RYR3: variants seen among roughly 807,000 people sequenced by gnomAD.
The protein encoded by RYR3 is brain ryanodine receptor-calcium release channel.
Under a neutral mutation model 584.3 loss-of-function variants are expected in RYR3, and 207 were observed. The ratio of observed to expected loss-of-function variants is 0.35; its 90% CI spans 0.32 to 0.40. RYR3 has a LOEUF of 0.40. Ranked by LOEUF, RYR3 falls within the 10% of genes least tolerant of loss-of-function variation. The pLI is 1.00. For synonymous variants in RYR3, 2,416 were observed against 2,248.5 expected, an observed-to-expected ratio of 1.07 and a Z score of -2.11; for missense variants, 5,616 against 6,089.2, an observed-to-expected ratio of 0.92 and a Z score of 2.59.
chr15:33,624,151 C>G (rs2060864412), intron 20 of RYR3, 128 bp downstream of exon 20: 2 of 694,486 alleles, frequency 2.9e-6, no homozygotes, highest in South Asian at 3.6e-5. Context: ...ATGTGAACAA[C>G]TGTTACTCCT....
chr15:33,321,552 T>C (rs1470450046), intron 1 of RYR3, among the ~76,000 whole-genome samples: 1 of 152,194 alleles, frequency 6.6e-6, no homozygotes, highest in African/African-American at 2.4e-5. Flanking sequence ...GCTCCTTAAG[T>C]GACAGGTGTG....
At chr15:33,801,604 T>A (rs2075921937) in intron 68 of RYR3, among the ~76,000 whole-genome samples, 1 of 136,276 alleles carries the variant, frequency 7.3e-6, no homozygotes. Context: ...GGTGTCTTAT[T>A]ACTACCAAGA....
intron 16 of RYR3, 144 bp downstream of exon 16, chr15:33,586,260 C>G (rs188093632): frequency 9.4e-6 from 6 of 640,444 alleles, no homozygotes; most frequent in Non-Finnish European, 1.7e-5. Context: ...AGACTTTCCC[C>G]GCATACAAGC....
In RYR3 at chr15:33,438,237, G is replaced by A. The variant is rs558610635; in HGVS notation, c.52-35182G>A. ...TTAATTATAGTCACCATGATGTACG[G>A]TGGATCCCCAGAACTTATTCCCCTT... On this transcript the variant is annotated intron_variant, in intron 1 of 103. Coordinates refer to ENST00000634891, the MANE Select transcript of RYR3 (RefSeq NM_001036.6). 2.0e-5 allele frequency among the ~76,000 whole-genome samples: 3 copies of A among 152,008 alleles called. No homozygotes were observed. The East Asian group carries it at 5.8e-4, about 29-fold the overall frequency.
chr15:33,522,729 C>A (rs531490245), intron 3 of RYR3, among the ~76,000 whole-genome samples: 1 of 152,210 alleles, frequency 6.6e-6, no homozygotes, highest in South Asian at 2.1e-4. Context: ...GGGTTTCATA[C>A]CAGTTTCAGG....
At chr15:33,506,947 T>C (rs2052537487) in intron 3 of RYR3, among the ~76,000 whole-genome samples, 2 of 152,296 alleles carry the variant, frequency 1.3e-5, no homozygotes, top group South Asian at 2.1e-4. Flanking sequence ...AGCCTGGGGA[T>C]GTTTGAGTGG....
chr15:33,585,756 G>A (rs562130379), intron 15 of RYR3, among the ~76,000 whole-genome samples: 56 of 152,288 alleles, frequency 3.7e-4, no homozygotes, highest in African/African-American at 1.1e-3. Flanking sequence ...TCCAGGAAGC[G>A]GGAGATAGGG....
In RYR3 at chr15:33,739,889, G is replaced by A; in HGVS notation, c.7714G>A (p.Ala2572Thr). 6.2e-7 allele frequency: 1 copy of A among 1,613,748 alleles called. No homozygotes were observed. The highest frequency in any genetic ancestry group is 8.5e-7 in the Non-Finnish European group (1 of 1,179,794). The change falls in exon 51 of 104, where the codon GCC becomes ACC. Residue 2572 changes from alanine (A) to threonine (T), a missense_variant. This residue lies in a region of RYR3 where 1,280 missense variants were observed against 1,426.2 expected (regional missense o/e 0.90). Transcript: ENST00000634891. ...ALPCLSAIAG[A>T]LPPDYLDTRI... ...GCCTTGTCTCAGTGCTATAGCTGGGGCCTTGCCACCAGATTATTTAGATAC... is the reference window on the plus strand; with the variant it reads ...GCCTTGTCTCAGTGCTATAGCTGGGACCTTGCCACCAGATTATTTAGATAC...
rs759392593 is a variant in RYR3 at position 33,773,542 on chromosome 15, G to A, written c.9064G>A (p.Val3022Met). ...TTTCTTCTTTGTTTCAGTGGGTGAT[G>A]TGCAGATTTCATGCTACCACATACT... is the stretch of plus-strand genomic sequence containing the variant. ...QFGMDLLLGD[V>M]QISCYHILCS... Residue 3022 changes from valine to methionine, a missense_variant, in exon 64 of 104, where the codon GTG becomes ATG. Transcript: ENST00000634891. 1.9e-6 allele frequency: 3 copies of A among 1,605,350 alleles called. No individual in the cohort carries two copies. The highest frequency in any genetic ancestry group is 4.5e-5 in the East Asian group (2 of 44,770).
At chr15:33,688,226 C>G (rs987563702) in intron 38 of RYR3, among the ~76,000 whole-genome samples, 2 of 148,334 alleles carry the variant, frequency 1.3e-5, no homozygotes, top group African/African-American at 5.0e-5. Context: ...AGAAAAAAAA[C>G]AACCCCATCA....
chr15:33,749,072 A>G (rs554067609), intron 55 of RYR3, among the ~76,000 whole-genome samples: 20 of 152,350 alleles, frequency 1.3e-4, no homozygotes, highest in African/African-American at 4.6e-4. Flanking sequence ...TCAAGCTACA[A>G]TTGGTTGAAT....
chr15:33,644,792 T>C (rs191554236), intron 28 of RYR3, among the ~76,000 whole-genome samples: 1 of 152,372 alleles, frequency 6.6e-6, no homozygotes, highest in East Asian at 1.9e-4. Context: ...GATGTTCCTA[T>C]ACTGTGTTGT....
rs535384680 is a variant in RYR3 at position 33,725,350 on chromosome 15, G to A, written c.6913-1036G>A. On this transcript the variant is annotated intron_variant, in intron 45 of 103. Transcript: ENST00000634891. ...GTGGGCGGGCCTTCTCCTTTCCCTG[G>A]TGGCACCAAGCATCGTATCTCAGCA... Among the ~76,000 whole-genome samples the A allele has an allele frequency of 7.2e-5, 11 of 152,214 alleles. No homozygotes were observed. In the East Asian group the frequency reaches 1.4e-3, roughly 19 times the overall value.
intron 43 of RYR3, among the ~76,000 whole-genome samples, chr15:33,714,401 A>T (rs1033484666): frequency 6.6e-6 from 1 of 152,188 alleles, no homozygotes; most frequent in Admixed American, 6.5e-5. Flanking sequence ...GTTTTAAGGC[A>T]TATAATTTGC....
At position 33,838,179 on chromosome 15, in the gene RYR3, C is replaced by G. The variant is rs748228039; in HGVS notation, c.12199C>G (p.Gln4067Glu). ...GCCCCAGGTGAAGGAATCTAAGCGA[C>G]AGTTCATTTTTGATGTTGTCAATGA... ...EKPQVKESKRQFIFDVVNEGG... is the reference protein window; with the variant it reads ...EKPQVKESKREFIFDVVNEGG... The change falls in exon 89 of 104, where the codon CAG (glutamine) becomes GAG (glutamate). Residue 4067 changes from glutamine to glutamate, a missense_variant. This residue lies in a region of RYR3 where 258 missense variants were observed against 297.3 expected (regional missense o/e 0.87). Coordinates refer to ENST00000634891, the MANE Select transcript of RYR3 (RefSeq NM_001036.6). 1.2e-6 allele frequency: 2 copies of G among 1,613,824 alleles called. No homozygotes were observed. Among genetic ancestry groups the G allele is most frequent in the Admixed American group, 1.7e-5 (1 of 60,002 alleles).
At chr15:33,807,435 T>C in intron 69 of RYR3, 120 bp from the exon 70 acceptor site, 1 of 957,764 alleles carries the variant, frequency 1.0e-6, no homozygotes, top group Non-Finnish European at 1.7e-6. Context: ...GTTTCTGTTG[T>C]GTTGGCTGAG....
intron 3 of RYR3, 112 bp downstream of exon 3, chr15:33,503,850 T>C: frequency 1.5e-6 from 1 of 664,760 alleles, no homozygotes; most frequent in Non-Finnish European, 2.7e-6. Context: ...GTTGAGATGA[T>C]TCATATGGAG....
chr15:33,640,197 G>T (rs555095105), intron 27 of RYR3, among the ~76,000 whole-genome samples: 1 of 152,324 alleles, frequency 6.6e-6, no homozygotes, highest in East Asian at 1.9e-4. Flanking sequence ...TCTGCAGGAA[G>T]TGTCACTGCC....
At position 33,738,512 on chromosome 15, in the gene RYR3, C is replaced by T. The variant is rs755685263; in HGVS notation, c.7578C>T (p.Ser2526=). The change falls in exon 50 of 104, where the codon AGC becomes AGT. Residue 2526 remains serine (S), a synonymous_variant. Coordinates refer to ENST00000634891, the MANE Select transcript of RYR3 (RefSeq NM_001036.6). ...ACTGCCTGCCTTCAGGATGGGGGAG[C>T]TACGGGCTAGCTGTGGAAGAAGAGC... ...KYYCLPSGWG[S]YGLAVEEELH... 1 of 1,613,970 alleles carries T rather than the reference C, an allele frequency of 6.2e-7. No individual in the cohort carries two copies. Among genetic ancestry groups the T allele is most frequent in the Non-Finnish European group, 8.5e-7 (1 of 1,179,868 alleles).
Sources: gnomAD v4.1 joint callset for allele counts (sites outside exome capture counted in the v4.1 genomes callset) on GRCh38, gnomAD v4.1.1 for gene constraint, gnomAD v4.1.1 regional missense constraint, MANE v1.5 for transcripts, NCBI Gene and HGNC (gene_info 2026-07-23, HGNC 2026-07-21) for gene names.